The following LRFN5 variants were observed in gnomAD, a reference collection of about 807,000 sequenced individuals.
The protein encoded by LRFN5 is leucine-rich repeat and fibronectin type-III domain-containing protein 5.
In LRFN5, 24 loss-of-function variants were observed where a neutral mutation model predicts 45.6. The ratio of observed to expected loss-of-function variants is 0.53; its 90% CI spans 0.38 to 0.74. The LOEUF (loss-of-function observed/expected upper bound fraction) is 0.74. Among genes scored for constraint, LRFN5 ranks in the 30% least tolerant of loss-of-function variants. LRFN5 has a pLI of 0.00. For synonymous variants in LRFN5, 340 were observed against 313.8 expected (o/e 1.08, Z -0.88); for missense variants, 776 against 861.5 (o/e 0.90, Z 1.24).
intron 1 of LRFN5, among the ~76,000 whole-genome samples, chr14:41,734,029 C>CT (rs58623215): frequency 0.35 from 43,554 of 123,686 alleles, 8,086 homozygotes; most frequent in African/African-American, 0.49. Flanking sequence ...CTTTTCTTTT[C>CT]TTTTTTTTTT....
chr14:41,705,771 A>C (rs1883038781), intron 1 of LRFN5, among the ~76,000 whole-genome samples: 1 of 152,156 alleles, frequency 6.6e-6, no homozygotes, highest in Non-Finnish European at 1.5e-5. Context: ...ATAGTAAACG[A>C]TCTTTATATA....
At chr14:41,650,898 AGGGAGGGAGGGAGG>A (rs1880089465) in intron 1 of LRFN5, among the ~76,000 whole-genome samples, 1 of 43,360 alleles carries the variant, frequency 2.3e-5, no homozygotes, top group Non-Finnish European at 4.4e-5. Context: ...AGAGAGAGAG[AGGGAGGGAGGGAGG>A]GAGGGAGGGA....
chr14:41,795,229 A>G (rs1347378421), intron 2 of LRFN5, among the ~76,000 whole-genome samples: 11 of 152,114 alleles, frequency 7.2e-5, no homozygotes, highest in Non-Finnish European at 1.5e-4. Flanking sequence ...ACAATGAGAT[A>G]CCATCTCACA....
intron 2 of LRFN5, among the ~76,000 whole-genome samples, chr14:41,876,167 A>G (rs930826507): frequency 7.2e-5 from 11 of 152,226 alleles, no homozygotes; most frequent in Admixed American, 1.3e-4. Context: ...CTACCCAGAG[A>G]AGAATGCGTA....
chr14:41,886,185 A>T (rs1032159437), intron 2 of LRFN5, among the ~76,000 whole-genome samples: 3 of 152,120 alleles, frequency 2.0e-5, no homozygotes, highest in African/African-American at 7.2e-5. Flanking sequence ...CCTACTTACA[A>T]ATCTTCAAAT....
intron 2 of LRFN5, among the ~76,000 whole-genome samples, chr14:41,781,469 A>G (rs1445116455): frequency 1.4e-5 from 2 of 147,132 alleles, no homozygotes; most frequent in African/African-American, 5.0e-5. Context: ...CTGTAGTGAG[A>G]CCCTGTCTCA....
chr14:41,745,892 G>T (rs1033641789), intron 1 of LRFN5, among the ~76,000 whole-genome samples: 2 of 151,876 alleles, frequency 1.3e-5, no homozygotes, highest in Non-Finnish European at 2.9e-5. Context: ...TCCCCAAAAA[G>T]AAAAGCCCTG....
intron 2 of LRFN5, among the ~76,000 whole-genome samples, chr14:41,822,219 A>AT (rs1258615708): frequency 1.3e-5 from 2 of 150,550 alleles, no homozygotes; most frequent in Admixed American, 1.3e-4. Flanking sequence ...TTATGTTCTT[A>AT]TTTTTCTATT....
intron 1 of LRFN5, among the ~76,000 whole-genome samples, chr14:41,743,635 G>T (rs1021042716): frequency 2.0e-5 from 3 of 152,120 alleles, no homozygotes; most frequent in Admixed American, 2.0e-4. Flanking sequence ...ACTACAGTTA[G>T]TAGGAATATA....
At chr14:41,681,670 T>C (rs1308170136) in intron 1 of LRFN5, among the ~76,000 whole-genome samples, 1 of 152,012 alleles carries the variant, frequency 6.6e-6, no homozygotes, top group East Asian at 1.9e-4. Flanking sequence ...AAGAAAAGGA[T>C]GTTAATGAGC....
chr14:41,656,872 C>T (rs1044709188), intron 1 of LRFN5, among the ~76,000 whole-genome samples: 3 of 151,820 alleles, frequency 2.0e-5, no homozygotes, highest in Non-Finnish European at 4.4e-5. Context: ...TATGTTTTTC[C>T]TCAGCCAGAT....
chr14:41,790,295 C>T (rs757489252), intron 2 of LRFN5, among the ~76,000 whole-genome samples: 7 of 151,660 alleles, frequency 4.6e-5, no homozygotes, highest in Non-Finnish European at 8.9e-5. Context: ...CTTTTTCATT[C>T]TGGATGGAAT....
intron 1 of LRFN5, among the ~76,000 whole-genome samples, chr14:41,705,444 A>G (rs999464625): frequency 1.3e-5 from 2 of 152,224 alleles, no homozygotes; most frequent in Admixed American, 6.5e-5. Flanking sequence ...ACTATTTTGC[A>G]TTATAAAATA....
intron 3 of LRFN5, among the ~76,000 whole-genome samples, chr14:41,890,811 A>C (rs1184917626): frequency 6.6e-6 from 1 of 152,176 alleles, no homozygotes; most frequent in Non-Finnish European, 1.5e-5. Context: ...AATGCTCTAA[A>C]ATGCGTATCT....
At chr14:41,655,133 A>G (rs1458711909) in intron 1 of LRFN5, among the ~76,000 whole-genome samples, 2 of 152,056 alleles carry the variant, frequency 1.3e-5, no homozygotes, top group African/African-American at 4.8e-5. Flanking sequence ...ATAGCTACGT[A>G]CAAGACAAAC....
chr14:41,721,683 G>GA (rs1230892841), intron 1 of LRFN5, among the ~76,000 whole-genome samples: 2 of 152,108 alleles, frequency 1.3e-5, no homozygotes, highest in East Asian at 3.8e-4. Context: ...TAAGAATGCT[G>GA]AAAAAAGGCT....
chr14:41,662,154 C>T (rs565495187), intron 1 of LRFN5, among the ~76,000 whole-genome samples: 13 of 152,094 alleles, frequency 8.5e-5, no homozygotes, highest in African/African-American at 2.9e-4. Flanking sequence ...CCTCTGAGAA[C>T]ATGAAATTTC....
At chr14:41,764,763 T>A (rs1885807620) in intron 1 of LRFN5, among the ~76,000 whole-genome samples, 1 of 146,328 alleles carries the variant, frequency 6.8e-6, no homozygotes, top group African/African-American at 2.4e-5. Flanking sequence ...AGGAATATAT[T>A]GTGCCTGTAT....
intron 1 of LRFN5, among the ~76,000 whole-genome samples, chr14:41,658,180 T>A (rs2138632493): frequency 6.6e-6 from 1 of 152,164 alleles, no homozygotes; most frequent in South Asian, 2.1e-4. Context: ...CAATAGCTTT[T>A]GTATTTGTTA....
Sources: allele counts gnomAD v4.1 joint callset (sites outside exome capture counted in the v4.1 genomes callset), GRCh38; gene constraint gnomAD v4.1.1; transcripts MANE v1.5; gene names NCBI Gene and HGNC (gene_info 2026-07-23, HGNC 2026-07-21).